Variants in ZNF566 observed in about 807,000 individuals in gnomAD.
The protein encoded by ZNF566 is zinc finger protein 566.
ZNF566 carries 27 observed loss-of-function variants against 32.8 expected under a neutral mutation model. The ratio of observed to expected loss-of-function variants is 0.82; its 90% CI spans 0.61 to 1.14. The LOEUF (loss-of-function observed/expected upper bound fraction) is 1.14. ZNF566 is among the 50% of genes most tolerant of loss of function. ZNF566 has a pLI of 0.00. For synonymous variants in ZNF566, 154 were observed against 159.5 expected, an observed-to-expected ratio of 0.97 and a Z score of 0.26; for missense variants, 402 against 490.4, an observed-to-expected ratio of 0.82 and a Z score of 1.70.
At chr19:36,477,534 T>G (rs1409263351) in intron 1 of ZNF566, among the ~76,000 whole-genome samples, 1 of 105,092 alleles carries the variant, frequency 9.5e-6, no homozygotes, top group Non-Finnish European at 2.1e-5. Context: ...CTGTTTTTTT[T>G]TTGTTTGTTT....
chr19:36,468,202 A>T lies in ZNF566; in HGVS notation c.232+4709T>A, dbSNP rs567794392. Among the ~76,000 whole-genome samples the T allele has an allele frequency of 4.7e-3, 706 of 151,658 alleles. 3 individuals carry two copies. Among genetic ancestry groups the T allele is most frequent in the Non-Finnish European group, 5.6e-3 (380 of 67,976 alleles). On this transcript the variant is annotated intron_variant, in intron 4 of 4. Transcript: ENST00000452939. Reference sequence around the variant, plus strand: ...CTCTGCCTCAAAAAAAAAAAAAAAAAAAATTAAAGTTTGACAATACCGTAC... The same window carrying T: ...CTCTGCCTCAAAAAAAAAAAAAAAATAAATTAAAGTTTGACAATACCGTAC...
chr19:36,463,795 G>A (rs887614614), intron 4 of ZNF566, among the ~76,000 whole-genome samples: 16 of 151,428 alleles, frequency 1.1e-4, no homozygotes, highest in African/African-American at 2.7e-4. Context: ...GCACGATCTC[G>A]GTTCACTGCA....
chr19:36,488,406 T>C (rs28520081), intron 1 of ZNF566, among the ~76,000 whole-genome samples: 13,934 of 152,226 alleles, frequency 0.092, 676 homozygotes, highest in African/African-American at 0.13. Flanking sequence ...ACAAAAATTT[T>C]TTTAACTCTT....
At chr19:36,481,783 T>C (rs2034039198) in intron 1 of ZNF566, among the ~76,000 whole-genome samples, 1 of 152,192 alleles carries the variant, frequency 6.6e-6, no homozygotes, top group South Asian at 2.1e-4. Flanking sequence ...GCACTGTTTC[T>C]AGTAACAAAA....
chr19:36,473,877 C>T (rs2033823931), intron 2 of ZNF566, among the ~76,000 whole-genome samples: 1 of 152,100 alleles, frequency 6.6e-6, no homozygotes, highest in Non-Finnish European at 1.5e-5. Context: ...ACATTAAAAG[C>T]CACCAGAGAG....
chr19:36,484,690 C>T (rs1474470067), intron 1 of ZNF566, among the ~76,000 whole-genome samples: 1 of 144,448 alleles, frequency 6.9e-6, no homozygotes, highest in South Asian at 2.3e-4. Flanking sequence ...CCCGGGTTAA[C>T]GCCATTCTCC....
rs2033029261 is a variant in ZNF566 at position 36,447,666 on chromosome 19, TTC to T, written c.*1309_*1310del. Reference sequence around the variant, plus strand: ...TTAGTGCACCAATATTTTGCTTATGTTCTCTTTTCTTTTTTACTGGGTATATA... The same window carrying T: ...TTAGTGCACCAATATTTTGCTTATGTTCTTTTCTTTTTTACTGGGTATATA... On this transcript the variant is annotated 3_prime_UTR_variant, in exon 5 of 5. Coordinates refer to ENST00000452939, the MANE Select transcript of ZNF566 (RefSeq NM_001145344.1). The T allele has an allele frequency of 6.6e-6, 1 of 152,204 alleles. No homozygotes were observed. The highest frequency in any genetic ancestry group is 2.1e-4 in the South Asian group (1 of 4,830). 9.4% of individuals were successfully genotyped at this position (152,204 alleles called of 1,614,324 possible). A position where few individuals can be genotyped will look rare whatever the true frequency, so the allele number is the denominator to read the frequency against.
At chr19:36,480,288 CTT>C (rs773998048) in intron 1 of ZNF566, among the ~76,000 whole-genome samples, 8 of 136,786 alleles carry the variant, frequency 5.8e-5, no homozygotes, top group Admixed American at 1.5e-4. Flanking sequence ...ATTTTTTTTT[CTT>C]TTTTTTTTTT....
At chr19:36,457,656 C>G (rs1018888799) in intron 4 of ZNF566, among the ~76,000 whole-genome samples, 1 of 152,140 alleles carries the variant, frequency 6.6e-6, no homozygotes, top group African/African-American at 2.4e-5. Context: ...CTTTGGGAGG[C>G]CGAGGTGGGT....
rs1044131347 is a variant in ZNF566, at chr19:36,446,188, C to A, written c.*2789G>T. On this transcript the variant is annotated 3_prime_UTR_variant, in exon 5 of 5. Coordinates refer to ENST00000452939, the MANE Select transcript of ZNF566 (RefSeq NM_001145344.1). ...GAAATATATGGGTAATATACACAAC[C>A]TTTAAATATTATTCAGAAGAAAATT... 6.6e-6 allele frequency: 1 copy of A among 151,624 alleles called. No homozygotes were observed. Among genetic ancestry groups the A allele is most frequent in the East Asian group, 1.9e-4 (1 of 5,166 alleles). The allele number at this position is 151,624 out of a possible 1,614,324, so 9.4% of individuals were successfully genotyped here.
intron 4 of ZNF566, among the ~76,000 whole-genome samples, chr19:36,463,752 G>T (rs1235642117): frequency 1.3e-5 from 2 of 150,208 alleles, no homozygotes; most frequent in Non-Finnish European, 3.0e-5. Flanking sequence ...TTGAGACAGA[G>T]TCTCACTCCA....
At chr19:36,463,835 T>C (rs1029962412) in intron 4 of ZNF566, among the ~76,000 whole-genome samples, 10 of 151,820 alleles carry the variant, frequency 6.6e-5, no homozygotes, top group African/African-American at 2.2e-4. Flanking sequence ...AAGCAATTCT[T>C]GTGCCTCAGC....
At position 36,473,478 on chromosome 19, in the gene ZNF566, T is replaced by C. The variant is rs759482118; in HGVS notation, c.10-20A>G. On this transcript the variant is annotated intron_variant, in intron 2 of 4. Transcript: ENST00000452939. ...TGACTCCTGGAACAATAACCACGTA[T>C]ATGACTTCATTAATTTTTTAAAAAG... 2.6e-6 allele frequency: 4 copies of C among 1,525,352 alleles called. No individual in the cohort carries two copies. The highest frequency in any genetic ancestry group is 1.8e-4 in the Middle Eastern group (1 of 5,706). 94.5% of individuals were successfully genotyped at this position (1,525,352 alleles called of 1,614,324 possible).
intron 4 of ZNF566, among the ~76,000 whole-genome samples, chr19:36,469,550 GA>G (rs929535530): frequency 6.6e-6 from 1 of 151,210 alleles, no homozygotes; most frequent in African/African-American, 2.4e-5. Context: ...CGAAAACAAA[GA>G]AAAAAAAGAA....
chr19:36,450,085 G>A (rs971336257), intron 4 of ZNF566, 84 bp from the exon 5 acceptor site: 75 of 1,168,828 alleles, frequency 6.4e-5, no homozygotes, highest in Admixed American at 4.4e-4. Flanking sequence ...GAATTTAACC[G>A]AATTTTTTTT....
chr19:36,463,125 G>A (rs1225494298), intron 4 of ZNF566, among the ~76,000 whole-genome samples: 1 of 151,624 alleles, frequency 6.6e-6, no homozygotes, highest in Non-Finnish European at 1.5e-5. Context: ...ATAACACAGG[G>A]AGACCTGGTT....
At chr19:36,472,130 A>G (rs1287905473) in intron 4 of ZNF566, among the ~76,000 whole-genome samples, 1 of 152,206 alleles carries the variant, frequency 6.6e-6, no homozygotes, top group Non-Finnish European at 1.5e-5. Flanking sequence ...AACTAAATGA[A>G]TGAATGTGCT....
At chr19:36,466,652 GC>G (rs1417847416) in intron 4 of ZNF566, among the ~76,000 whole-genome samples, 1 of 152,132 alleles carries the variant, frequency 6.6e-6, no homozygotes, top group Admixed American at 6.5e-5. Flanking sequence ...AAGAACTTCT[GC>G]TCACAGAAAA....
At chr19:36,473,859 G>C (rs2145688152) in intron 2 of ZNF566, among the ~76,000 whole-genome samples, 1 of 152,132 alleles carries the variant, frequency 6.6e-6, no homozygotes, top group African/African-American at 2.4e-5. Context: ...TCAGAATAAG[G>C]GATAAAGACA....
Sources: allele counts gnomAD v4.1 joint callset (sites outside exome capture counted in the v4.1 genomes callset), GRCh38; gene constraint gnomAD v4.1.1; transcripts MANE v1.5; gene names NCBI Gene and HGNC (gene_info 2026-07-23, HGNC 2026-07-21).